The following PCDHA1 variants were observed in gnomAD, a reference collection of about 807,000 sequenced individuals.
PCDHA1 encodes protocadherin alpha 1.
In PCDHA1, 42 loss-of-function variants were observed where a neutral mutation model predicts 61.3. That is an observed-to-expected ratio of 0.69 (90% confidence interval 0.54 to 0.89). PCDHA1 has a LOEUF of 0.89. PCDHA1 is among the 40% of genes least tolerant of loss of function. The pLI, the probability that PCDHA1 is intolerant of heterozygous loss-of-function variation, is 0.00. For synonymous variants in PCDHA1, 610 were observed against 553.8 expected, an observed-to-expected ratio of 1.10 and a Z score of -1.43; for missense variants, 1,256 against 1,235.3, an observed-to-expected ratio of 1.02 and a Z score of -0.25.
chr5:140,882,816 A>C, intron 1 of PCDHA1: 3 of 1,614,266 alleles, frequency 1.9e-6, no homozygotes, highest in Non-Finnish European at 2.5e-6. Flanking sequence ...TTGGACGCAC[A>C]AAACAGTCTT....
intron 1 of PCDHA1, among the ~76,000 whole-genome samples, chr5:140,793,643 G>T (rs933642063): frequency 9.2e-5 from 14 of 152,148 alleles, no homozygotes; most frequent in Non-Finnish European, 1.9e-4. Flanking sequence ...TATGGATTTT[G>T]TATGCTATCC....
At chr5:140,928,585 G>A (rs1554206029) in intron 1 of PCDHA1, 1 of 1,614,194 alleles carries the variant, frequency 6.2e-7, no homozygotes, top group Admixed American at 1.7e-5. Context: ...AAATGGTTCT[G>A]TCCCAGTGGA....
At chr5:140,875,474 T>C (rs1369376569) in intron 1 of PCDHA1, 1 of 1,606,582 alleles carries the variant, frequency 6.2e-7, no homozygotes, top group Non-Finnish European at 8.5e-7. Flanking sequence ...TTTTCTGCAA[T>C]GGTGATTATC....
chr5:140,841,809 G>T, intron 1 of PCDHA1: 1 of 1,613,904 alleles, frequency 6.2e-7, no homozygotes. Context: ...GCAGATGTTG[G>T]AGCTAACTCC....
chr5:140,808,037 G>C (rs1340097286), intron 1 of PCDHA1: 14 of 1,613,854 alleles, frequency 8.7e-6, no homozygotes, highest in Non-Finnish European at 1.1e-5. Flanking sequence ...ATTCTCAAAT[G>C]ATATTTCGCC....
intron 1 of PCDHA1, chr5:140,861,505 A>G: frequency 2.1e-6 from 1 of 482,692 alleles, no homozygotes; most frequent in African/African-American, 2.0e-5. Flanking sequence ...ATAGACCTCG[A>G]GGAGCTGTGT....
In PCDHA1 at chr5:140,877,342, G is replaced by A. The variant is rs1462091033; in HGVS notation, c.2394+88658G>A. On this transcript the variant is annotated intron_variant, in intron 1 of 3. Coordinates refer to ENST00000504120, the MANE Select transcript of PCDHA1 (RefSeq NM_018900.4). ...GGTCGGCGCGCACATCCCGTTCCACGTGGGGCTGTACACTGGCGAGATCAG... is the reference window on the plus strand; with the variant it reads ...GGTCGGCGCGCACATCCCGTTCCACATGGGGCTGTACACTGGCGAGATCAG... 5 of 1,613,904 alleles carry A rather than the reference G, an allele frequency of 3.1e-6. No individual in the cohort carries two copies. The African/African-American group carries it at 6.7e-5, about 22-fold the overall frequency.
chr5:140,874,158 G>T (rs986617459), intron 1 of PCDHA1, among the ~76,000 whole-genome samples: 8 of 152,108 alleles, frequency 5.3e-5, no homozygotes, highest in African/African-American at 1.7e-4. Context: ...GCCATTCTTG[G>T]TTACTCTTTC....
chr5:140,977,163 AATG>A (rs1554238313), intron 1 of PCDHA1, among the ~76,000 whole-genome samples: 2 of 152,198 alleles, frequency 1.3e-5, no homozygotes, highest in Non-Finnish European at 2.9e-5. Flanking sequence ...CTTTCAGCAA[AATG>A]AGTTTGATGA....
rs1554150162 is a variant in PCDHA1 at position 140,857,521 on chromosome 5, C to T, written c.2394+68837C>T. 5 of 1,598,106 alleles carry T rather than the reference C, an allele frequency of 3.1e-6. 1 individual carries two copies. In the South Asian group the frequency reaches 4.4e-5, roughly 14 times the overall value. On this transcript the variant is annotated intron_variant, in intron 1 of 3. Coordinates refer to ENST00000504120, the MANE Select transcript of PCDHA1 (RefSeq NM_018900.4). Reference sequence around the variant, plus strand: ...CGCAGGAGAACGCCCTGGTGTCCTACTCTCTGGTGGAGCGGCGGTTGGGCG... The same window carrying T: ...CGCAGGAGAACGCCCTGGTGTCCTATTCTCTGGTGGAGCGGCGGTTGGGCG...
chr5:140,903,020 A>G lies in PCDHA1; in HGVS notation c.2395-75929A>G, dbSNP rs375776888. ...AATTGTGAATTGTGCTGCTATCAAC[A>G]TGGCTTGCACATGTGTCTTTTTCAT... On this transcript the variant is annotated intron_variant, in intron 1 of 3. Coordinates refer to ENST00000504120, the MANE Select transcript of PCDHA1 (RefSeq NM_018900.4). Among the ~76,000 whole-genome samples the G allele has an allele frequency of 2.4e-4, 36 of 152,312 alleles. No homozygotes were observed. In the East Asian group the frequency reaches 6.4e-3, roughly 27 times the overall value.
Position 141,012,063 on chromosome 5 carries a change from T to C in PCDHA1, c.*2126T>C, listed in dbSNP as rs948658172. ...TGGGGTAAAACTTGTTACCAACACATGTGAACCATTGCTACATTGTAGGTT... is the reference window on the plus strand; with the variant it reads ...TGGGGTAAAACTTGTTACCAACACACGTGAACCATTGCTACATTGTAGGTT... On this transcript the variant is annotated 3_prime_UTR_variant, in exon 4 of 4. Transcript: ENST00000504120. The C allele has an allele frequency of 1.3e-5, 2 of 153,778 alleles. No individual in the cohort carries two copies. The highest frequency in any genetic ancestry group is 3.8e-4 in the East Asian group (2 of 5,196). The allele number at this position is 153,778 out of a possible 1,614,324, so 9.5% of individuals were successfully genotyped here. A position where few individuals can be genotyped will look rare whatever the true frequency, so the allele number is the denominator to read the frequency against.
At chr5:140,951,682 C>T (rs1327606119) in intron 1 of PCDHA1, among the ~76,000 whole-genome samples, 1 of 152,146 alleles carries the variant, frequency 6.6e-6, no homozygotes, top group East Asian at 1.9e-4. Flanking sequence ...TTGGGGATTA[C>T]AATGTGACAT....
In PCDHA1 at chr5:140,858,056, G is replaced by A; in HGVS notation, c.2394+69372G>A. ...GGCCACTGTGCTTGTGTCGCTTGTG[G>A]AGGGCAGCCAGGCACCCAAGGCCTC... is the stretch of plus-strand genomic sequence containing the variant. On this transcript the variant is annotated intron_variant, in intron 1 of 3. Transcript: ENST00000504120. 1.9e-6 allele frequency: 3 copies of A among 1,597,644 alleles called. 1 individual carries two copies. The highest frequency in any genetic ancestry group is 2.6e-6 in the Non-Finnish European group (3 of 1,167,552).
chr5:140,855,736 A>T (rs1422055740), intron 1 of PCDHA1: 3 of 305,736 alleles, frequency 9.8e-6, no homozygotes, highest in African/African-American at 6.5e-5. Context: ...CTATAAAGAG[A>T]CGTAATGTGA....
At chr5:140,874,328 T>G (rs937817026) in intron 1 of PCDHA1, among the ~76,000 whole-genome samples, 1 of 144,806 alleles carries the variant, frequency 6.9e-6, no homozygotes, top group African/African-American at 2.9e-5. Flanking sequence ...TCTTATCTGT[T>G]TTTTTCTCTT....
chr5:140,828,152 C>CT (rs1562294206), intron 1 of PCDHA1: 6 of 1,614,028 alleles, frequency 3.7e-6, no homozygotes, highest in Non-Finnish European at 4.2e-6. Flanking sequence ...GCTTCTGCTC[C>CT]TCGCAGCCTG....
At chr5:141,005,469 C>T (rs549630927) in intron 3 of PCDHA1, among the ~76,000 whole-genome samples, 2 of 151,656 alleles carry the variant, frequency 1.3e-5, no homozygotes, top group South Asian at 2.1e-4. Flanking sequence ...TTTGGGAGGC[C>T]GAGACGGGCG....
chr5:140,909,462 C>T (rs2074519059), intron 1 of PCDHA1, among the ~76,000 whole-genome samples: 1 of 152,212 alleles, frequency 6.6e-6, no homozygotes, highest in Non-Finnish European at 1.5e-5. Flanking sequence ...ATCCATCTGT[C>T]TTCTTCACAG....
Sources: gnomAD v4.1 joint callset for allele counts (sites outside exome capture counted in the v4.1 genomes callset) on GRCh38, gnomAD v4.1.1 for gene constraint, MANE v1.5 for transcripts, NCBI Gene and HGNC (gene_info 2026-07-23, HGNC 2026-07-21) for gene names.